The following ATP13A3 variants were observed in gnomAD, a reference collection of about 807,000 sequenced individuals.
ATP13A3 encodes the protein polyamine-transporting ATPase 13A3.
A neutral mutation model predicts 158.1 loss-of-function variants in ATP13A3; 59 were observed. The ratio of observed to expected loss-of-function variants is 0.37; its 90% CI spans 0.30 to 0.46. The LOEUF is 0.46. Among genes scored for constraint, ATP13A3 ranks in the 20% least tolerant of loss-of-function variants. ATP13A3 has a pLI of 1.00. For missense variants in ATP13A3, 1,166 were observed against 1,525.2 expected (o/e 0.76, Z 3.92); for synonymous variants, 491 against 504.3 (o/e 0.97, Z 0.35).
In ATP13A3 at chr3:194,448,082, C is replaced by CT. The variant is rs372075979; in HGVS notation, c.1151-74dup. The CT allele has an allele frequency of 0.11, 117,929 of 1,039,028 alleles. 8 individuals carry two copies. The highest frequency in any genetic ancestry group is 0.12 in the Non-Finnish European group (89,755 of 736,472). The allele number at this position is 1,039,028 out of a possible 1,614,324, so 64.4% of individuals were successfully genotyped here. On this transcript the variant is annotated intron_variant, in intron 12 of 33. Transcript: ENST00000645319. The surrounding 1 kb of genome is among the most constrained non-coding windows in gnomAD (Gnocchi z 4.0). ...AATTATCTCCCAAAACAGAATCTCTCTTTTTTTTTTTTTGAGACAGAGTCT... is the reference window on the plus strand; with the variant it reads ...AATTATCTCCCAAAACAGAATCTCTCTTTTTTTTTTTTTTGAGACAGAGTCT...
chr3:194,462,952 A>G (rs1719761709), intron 2 of ATP13A3, among the ~76,000 whole-genome samples: 1 of 152,224 alleles, frequency 6.6e-6, no homozygotes, highest in Non-Finnish European at 1.5e-5. Flanking sequence ...ACAGATTCAG[A>G]AGTAGTGTAG....
chr3:194,446,357 G>T (rs918938185), intron 14 of ATP13A3, among the ~76,000 whole-genome samples: 43 of 151,908 alleles, frequency 2.8e-4, no homozygotes, highest in Admixed American at 8.5e-4. Flanking sequence ...TCAAAGCTAC[G>T]CAAGTTAAGT....
chr3:194,479,085 T>G (rs4632483), intron 2 of ATP13A3, among the ~76,000 whole-genome samples: 55,256 of 151,986 alleles, frequency 0.36, 13,669 homozygotes, highest in African/African-American at 0.71. Flanking sequence ...CACCAGAGAT[T>G]AGAAAGGATT....
At chr3:194,458,755 A>T (rs1719429972) in intron 6 of ATP13A3, among the ~76,000 whole-genome samples, 2 of 152,214 alleles carry the variant, frequency 1.3e-5, no homozygotes, top group Admixed American at 1.3e-4. Context: ...AAAAATGCCC[A>T]TGCCCATTCC....
In ATP13A3 at chr3:194,448,082, C is replaced by A; in HGVS notation, c.1151-73G>T. The A allele has an allele frequency of 2.7e-6, 3 of 1,120,978 alleles. No individual in the cohort carries two copies. Among genetic ancestry groups the A allele is most frequent in the Non-Finnish European group, 3.8e-6 (3 of 792,346 alleles). 69.4% of individuals were successfully genotyped at this position (1,120,978 alleles called of 1,614,324 possible). A position where few individuals can be genotyped will look rare whatever the true frequency, so the allele number is the denominator to read the frequency against. On this transcript the variant is annotated intron_variant, in intron 12 of 33. Transcript: ENST00000645319. The surrounding 1 kb of genome is among the most constrained non-coding windows in gnomAD (Gnocchi z 4.0). ...AATTATCTCCCAAAACAGAATCTCT[C>A]TTTTTTTTTTTTTGAGACAGAGTCT...
At chr3:194,465,789 C>A (rs1464740631) in intron 2 of ATP13A3, among the ~76,000 whole-genome samples, 3 of 149,696 alleles carry the variant, frequency 2.0e-5, no homozygotes, top group Non-Finnish European at 4.4e-5. Context: ...CATGGTGAAA[C>A]CCCATCTCTA....
At chr3:194,444,146 G>A (rs566451531) in intron 15 of ATP13A3, among the ~76,000 whole-genome samples, 2 of 152,190 alleles carry the variant, frequency 1.3e-5, no homozygotes, top group Non-Finnish European at 2.9e-5. Flanking sequence ...CCCATGCTAC[G>A]GCCCAGCCTT....
At chr3:194,411,692 G>C (rs574543409) in intron 33 of ATP13A3, among the ~76,000 whole-genome samples, 1 of 152,006 alleles carries the variant, frequency 6.6e-6, no homozygotes, top group African/African-American at 2.4e-5. Flanking sequence ...CAACGCTGGA[G>C]AAAGCCAAAA....
At chr3:194,414,685 G>C (rs940227143) in intron 31 of ATP13A3, among the ~76,000 whole-genome samples, 1 of 152,098 alleles carries the variant, frequency 6.6e-6, no homozygotes, top group African/African-American at 2.4e-5. Flanking sequence ...ACGGAAAGAG[G>C]AAGAAAAGGC....
intron 30 of ATP13A3, among the ~76,000 whole-genome samples, chr3:194,421,145 A>AC (rs1560074930): frequency 1.9e-5 from 1 of 51,282 alleles, no homozygotes; most frequent in African/African-American, 1.7e-4. Flanking sequence ...TAGTATATAT[A>AC]TATATATATA....
intron 15 of ATP13A3, 55 bp from the exon 16 acceptor site, chr3:194,441,516 T>C (rs1718050629): frequency 6.7e-7 from 1 of 1,483,426 alleles, no homozygotes; most frequent in Non-Finnish European, 9.3e-7. Context: ...CAAGATAATA[T>C]TCTAACAGGG....
intron 33 of ATP13A3, among the ~76,000 whole-genome samples, chr3:194,411,029 G>T: frequency 6.7e-6 from 1 of 148,306 alleles, no homozygotes. Context: ...CTAGTCATAC[G>T]CACTACTAGG....
chr3:194,429,893 T>A, intron 26 of ATP13A3, 119 bp from the exon 27 acceptor site: 3 of 1,048,382 alleles, frequency 2.9e-6, no homozygotes, highest in Non-Finnish European at 4.2e-6. Context: ...AAAGTGCTTA[T>A]CCACCAAAAG....
At chr3:194,471,504 C>G (rs1401623895) in intron 2 of ATP13A3, among the ~76,000 whole-genome samples, 1 of 152,000 alleles carries the variant, frequency 6.6e-6, no homozygotes, top group Admixed American at 6.6e-5. Flanking sequence ...CAGGTGTGTA[C>G]CATCACGCCC....
chr3:194,459,218 A>AC, intron 6 of ATP13A3: 1 of 432,462 alleles, frequency 2.3e-6, no homozygotes, highest in South Asian at 2.6e-5. Flanking sequence ...GTAAGAACTC[A>AC]GACTCAGTAG....
chr3:194,472,112 G>A (rs1720334281), intron 2 of ATP13A3: 1 of 152,934 alleles, frequency 6.5e-6, no homozygotes, highest in African/African-American at 2.4e-5. Context: ...GCCATCTGAG[G>A]AATGGCTGTC....
chr3:194,485,961 A>C (rs1720948761), intron 1 of ATP13A3, 126 bp from the exon 2 acceptor site: 1 of 152,056 alleles, frequency 6.6e-6, no homozygotes, highest in African/African-American at 2.4e-5. Context: ...CACCTCCCCA[A>C]AAAAGCCAGA....
chr3:194,461,009 A>G (rs1275013237), intron 3 of ATP13A3, among the ~76,000 whole-genome samples, 178 bp from the exon 4 acceptor site: 1 of 152,150 alleles, frequency 6.6e-6, no homozygotes, highest in African/African-American at 2.4e-5. Context: ...GTTTACTGTC[A>G]GTTATATTTT....
rs78805550 is a variant in ATP13A3 at position 194,412,007 on chromosome 3, T to A, written c.3573+192A>T. Among the ~76,000 whole-genome samples, 154 of 152,300 alleles carry A rather than the reference T, an allele frequency of 1.0e-3. 2 individuals carry two copies. The East Asian group carries it at 0.028, about 27-fold the overall frequency. ...AAAAGCCTCTAACAAATGTTTGCCA[T>A]GAATTTTCTAGGACTTCTTATAAGA... On this transcript the variant is annotated intron_variant, in intron 33 of 33. Transcript: ENST00000645319.
Sources: allele counts gnomAD v4.1 joint callset (sites outside exome capture counted in the v4.1 genomes callset), GRCh38; gene constraint gnomAD v4.1.1; non-coding constraint Gnocchi (gnomAD v3.1); transcripts MANE v1.5; gene names NCBI Gene and HGNC (gene_info 2026-07-23, HGNC 2026-07-21).